ILRUN: variants seen among roughly 807,000 people sequenced by gnomAD.
ILRUN encodes inflammation and lipid regulator with UBA-like and NBR1-like domains, also known as protein ILRUN.
In ILRUN, 3 loss-of-function variants were observed where a neutral mutation model predicts 33.8. That is an observed-to-expected ratio of 0.09 (90% CI 0.04 to 0.23). The LOEUF is 0.23. Among genes scored for constraint, ILRUN ranks in the 10% least tolerant of loss-of-function variants. The pLI is 1.00. For missense variants in ILRUN, 210 were observed against 375.1 expected, an observed-to-expected ratio of 0.56 and a Z score of 3.64; for synonymous variants, 124 against 138.9, an observed-to-expected ratio of 0.89 and a Z score of 0.75.
In ILRUN at chr6:34,606,588, G is replaced by T; in HGVS notation, c.828C>A (p.His276Gln). The change falls in exon 4 of 5, where the codon CAC (histidine) becomes CAA (glutamine). Residue 276 changes from histidine to glutamine, a missense_variant. Transcript: ENST00000374023. ...AAGTCACTACTGATAAGTTGTTTGC[G>T]TGACTGCTGGGAGACAGATTTACAG... ...QNSVNLSPSS[H>Q]ANNLSVVTYS... 6.2e-7 allele frequency: 1 copy of T among 1,614,062 alleles called. No homozygotes were observed. The highest frequency in any genetic ancestry group is 1.3e-5 in the African/African-American group (1 of 75,016).
chr6:34,695,707 C>T lies in ILRUN; in HGVS notation c.158+739G>A, dbSNP rs1763752821. 2.0e-5 allele frequency among the ~76,000 whole-genome samples: 3 copies of T among 151,854 alleles called. 1 individual carries two copies. In the South Asian group the frequency reaches 6.2e-4, roughly 32 times the overall value. ...AGAAAGTTCCTTCCCCCAAGATCATCTCATTTCCCCCACTTTTCCTAAGGT... is the reference window on the plus strand; with the variant it reads ...AGAAAGTTCCTTCCCCCAAGATCATTTCATTTCCCCCACTTTTCCTAAGGT... On this transcript the variant is annotated intron_variant, in intron 1 of 4. Coordinates refer to ENST00000374023, the MANE Select transcript of ILRUN (RefSeq NM_024294.4).
At chr6:34,598,151 G>GTATTATTGACTGTATACTATCAGTCAA (rs1761440278) in intron 4 of ILRUN, among the ~76,000 whole-genome samples, 2 of 152,242 alleles carry the variant, frequency 1.3e-5, no homozygotes, top group Non-Finnish European at 2.9e-5. Flanking sequence ...ATATCAGTCA[G>GTATTATTGACTGTATACTATCAGTCAA]TATTATTGAC....
intron 4 of ILRUN, among the ~76,000 whole-genome samples, chr6:34,596,796 A>G (rs1436887620): frequency 6.6e-6 from 1 of 152,202 alleles, no homozygotes; most frequent in Non-Finnish European, 1.5e-5. Flanking sequence ...CATTTAACTC[A>G]GTTATTAGTG....
At chr6:34,645,693 A>T (rs1369574703) in intron 3 of ILRUN, among the ~76,000 whole-genome samples, 1 of 152,216 alleles carries the variant, frequency 6.6e-6, no homozygotes, top group East Asian at 1.9e-4. Flanking sequence ...TGTCTGGGAG[A>T]TGTTAAAAGT....
intron 1 of ILRUN, among the ~76,000 whole-genome samples, chr6:34,675,089 C>A (rs982789880): frequency 6.6e-6 from 1 of 151,972 alleles, no homozygotes; most frequent in African/African-American, 2.4e-5. Flanking sequence ...TAGACCAGCC[C>A]GGCTAACATG....
intron 2 of ILRUN, among the ~76,000 whole-genome samples, chr6:34,653,699 G>A (rs934521882): frequency 6.6e-6 from 1 of 152,018 alleles, no homozygotes; most frequent in African/African-American, 2.4e-5. Context: ...TAAAAGTGCT[G>A]GGAGGCCATG....
intron 1 of ILRUN, among the ~76,000 whole-genome samples, chr6:34,664,070 A>T (rs534344623): frequency 1.1e-4 from 17 of 152,198 alleles, no homozygotes; most frequent in Admixed American, 1.3e-4. Context: ...AAAGGCAAGA[A>T]AAGATTCTTC....
intron 1 of ILRUN, among the ~76,000 whole-genome samples, chr6:34,682,256 T>TTTG (rs1266006958): frequency 0.012 from 1,158 of 95,588 alleles, 70 homozygotes; most frequent in African/African-American, 0.02. Context: ...CCTCTGTTTT[T>TTTG]TTTTTTTTTT....
intron 1 of ILRUN, among the ~76,000 whole-genome samples, chr6:34,694,676 AT>A (rs1763719160): frequency 6.6e-6 from 1 of 152,220 alleles, no homozygotes; most frequent in South Asian, 2.1e-4. Flanking sequence ...TTTTCTAAAC[AT>A]CTAGAAATTT....
intron 1 of ILRUN, among the ~76,000 whole-genome samples, chr6:34,670,976 A>G (rs1763106260): frequency 6.6e-6 from 1 of 152,218 alleles, no homozygotes; most frequent in Non-Finnish European, 1.5e-5. Context: ...ATTTAGGATT[A>G]AGTAACAGAT....
chr6:34,661,997 C>T (rs534428575), intron 1 of ILRUN, among the ~76,000 whole-genome samples: 2 of 151,710 alleles, frequency 1.3e-5, no homozygotes, highest in Non-Finnish European at 2.9e-5. Context: ...TGGTGGCGGG[C>T]GCCTGTAGTC....
At chr6:34,666,422 G>A (rs190085664) in intron 1 of ILRUN, among the ~76,000 whole-genome samples, 4 of 152,164 alleles carry the variant, frequency 2.6e-5, no homozygotes, top group Admixed American at 2.0e-4. Flanking sequence ...TTAGCCAGGC[G>A]TGGTGTTGCA....
intron 1 of ILRUN, among the ~76,000 whole-genome samples, chr6:34,673,904 TAC>T (rs370280008): frequency 0.017 from 1,943 of 112,792 alleles, 64 homozygotes; most frequent in South Asian, 0.035. Flanking sequence ...AACAACCACA[TAC>T]ACACACACAC....
chr6:34,677,964 A>AAAG (rs1403625336), intron 1 of ILRUN, among the ~76,000 whole-genome samples: 1 of 149,088 alleles, frequency 6.7e-6, no homozygotes, highest in African/African-American at 2.4e-5. Flanking sequence ...AAAAAAAAAA[A>AAAG]AAAAAGTGTT....
rs564111017 is a variant in ILRUN, at chr6:34,590,247, T to C, written c.*318A>G. On this transcript the variant is annotated 3_prime_UTR_variant, in exon 5 of 5. Transcript: ENST00000374023. ...TTTTGTTTAAAAAGATGGCTTTTTT[T>C]CCCCCATTTTAAACTTTTTCCCCCT... 3.5e-5 allele frequency: 7 copies of C among 202,506 alleles called. No individual in the cohort carries two copies. Among genetic ancestry groups the C allele is most frequent in the East Asian group, 2.2e-4 (2 of 9,296 alleles). 12.5% of individuals were successfully genotyped at this position (202,506 alleles called of 1,614,324 possible). A position where few individuals can be genotyped will look rare whatever the true frequency, so the allele number is the denominator to read the frequency against.
rs1761239001 is a variant in ILRUN, at chr6:34,588,647, T to C, written c.*1918A>G. The C allele has an allele frequency of 6.3e-6, 1 of 159,982 alleles. No homozygotes were observed. Among genetic ancestry groups the C allele is most frequent in the Admixed American group, 6.5e-5 (1 of 15,486 alleles). The allele number at this position is 159,982 out of a possible 1,614,324, so 9.9% of individuals were successfully genotyped here. On this transcript the variant is annotated 3_prime_UTR_variant, in exon 5 of 5. Coordinates refer to ENST00000374023, the MANE Select transcript of ILRUN (RefSeq NM_024294.4). The stretch of plus-strand genomic sequence containing the variant: ...TCTGCTAGGGAGTGGAGCACTCCCA[T>C]GTGCACAGAAAATAGGTGCTCCAGA...
Position 34,587,776 on chromosome 6 carries a change from A to C in ILRUN, c.*2789T>G, listed in dbSNP as rs1761222533. On this transcript the variant is annotated 3_prime_UTR_variant, in exon 5 of 5. Coordinates refer to ENST00000374023, the MANE Select transcript of ILRUN (RefSeq NM_024294.4). The stretch of plus-strand genomic sequence containing the variant: ...ACTGTCCTCACGGCAAAAAGAAAAA[A>C]AGCATGCACACGTGCACATCCATCC... 1 of 322,998 alleles carries C rather than the reference A, an allele frequency of 3.1e-6. No homozygotes were observed. Among genetic ancestry groups the C allele is most frequent in the Non-Finnish European group, 5.6e-6 (1 of 177,490 alleles). The allele number at this position is 322,998 out of a possible 1,614,324, so 20.0% of individuals were successfully genotyped here. A position where few individuals can be genotyped will look rare whatever the true frequency, so the allele number is the denominator to read the frequency against.
intron 2 of ILRUN, among the ~76,000 whole-genome samples, chr6:34,653,132 C>CAAAAAAAAAAAAAAA (rs947213125): frequency 1.9e-5 from 1 of 51,548 alleles, no homozygotes; most frequent in Non-Finnish European, 4.3e-5. Context: ...GACCTTGTCT[C>CAAAAAAAAAAAAAAA]AAAAAAAAAA....
intron 1 of ILRUN, among the ~76,000 whole-genome samples, chr6:34,675,834 A>C (rs76519393): frequency 5.9e-4 from 90 of 152,304 alleles, no homozygotes; most frequent in African/African-American, 2.0e-3. Context: ...AAGGCCAATA[A>C]AGATATGGAA....
Sources: gnomAD v4.1 joint callset for allele counts (sites outside exome capture counted in the v4.1 genomes callset) on GRCh38, gnomAD v4.1.1 for gene constraint, MANE v1.5 for transcripts, NCBI Gene and HGNC (gene_info 2026-07-23, HGNC 2026-07-21) for gene names.